ART3: variants seen among roughly 807,000 people sequenced by gnomAD.
ART3 encodes ecto-ADP-ribosyltransferase 3.
Under a neutral mutation model 48.5 loss-of-function variants are expected in ART3, and 49 were observed. The observed-to-expected ratio is 1.01, with a 90% CI of 0.80 to 1.28. The LOEUF (loss-of-function observed/expected upper bound fraction) is 1.28. ART3 is among the 50% of genes most tolerant of loss of function. The pLI is 0.00. For synonymous variants in ART3, 145 were observed against 157.2 expected, an observed-to-expected ratio of 0.92 and a Z score of 0.58; for missense variants, 438 against 454.3, an observed-to-expected ratio of 0.96 and a Z score of 0.33.
At chr4:76,019,859 T>C (rs1732622114) in intron 1 of ART3, among the ~76,000 whole-genome samples, 1 of 152,096 alleles carries the variant, frequency 6.6e-6, no homozygotes, top group Admixed American at 6.5e-5. Flanking sequence ...TGTGAGATAA[T>C]GCCAAACTGT....
At chr4:76,026,261 A>G (rs768081560) in intron 1 of ART3, among the ~76,000 whole-genome samples, 139 of 152,118 alleles carry the variant, frequency 9.1e-4, no homozygotes, top group Non-Finnish European at 1.8e-3. Flanking sequence ...AATTCTCTAC[A>G]TGGCATTTCA....
chr4:76,064,617 T>A (rs1173833910), intron 1 of ART3, among the ~76,000 whole-genome samples: 6 of 152,118 alleles, frequency 3.9e-5, no homozygotes, highest in Non-Finnish European at 7.4e-5. Context: ...GCAAATGTTA[T>A]TACATTTTGA....
At chr4:76,059,681 GACA>G (rs1422308963) in intron 1 of ART3, among the ~76,000 whole-genome samples, 1 of 152,052 alleles carries the variant, frequency 6.6e-6, no homozygotes, top group African/African-American at 2.4e-5. Flanking sequence ...AATTTGTATG[GACA>G]ACTAAATTAA....
At chr4:76,074,609 G>A (rs998048513), upstream of ART3, 1 of 152,176 alleles carries the variant, frequency 6.6e-6, no homozygotes, top group Non-Finnish European at 1.5e-5. Flanking sequence ...GCATAGTGTG[G>A]GGGGGCCAGA....
chr4:76,092,262 T>A (rs771465028), intron 3 of ART3, among the ~76,000 whole-genome samples: 4 of 152,186 alleles, frequency 2.6e-5, no homozygotes, highest in Non-Finnish European at 5.9e-5. Context: ...TTTATTTAGG[T>A]CTTAATTTCT....
At position 76,016,784 on chromosome 4, in the gene ART3, A is replaced by G. The variant is rs111791989; in HGVS notation, c.-10+5464A>G. Reference sequence around the variant, plus strand: ...TTGCGGCTAAGCTGGCACTCAATCTATGAGACAAAGTCTTTCCCATTCCTC... The same window carrying G: ...TTGCGGCTAAGCTGGCACTCAATCTGTGAGACAAAGTCTTTCCCATTCCTC... On this transcript the variant is annotated intron_variant, in intron 1 of 9. Coordinates refer to the ART3 transcript ENST00000341029. Among the ~76,000 whole-genome samples, 914 of 152,232 alleles carry G rather than the reference A, an allele frequency of 6.0e-3. 8 individuals carry two copies. The highest frequency in any genetic ancestry group is 0.021 in the African/African-American group (878 of 41,554).
intron 1 of ART3, among the ~76,000 whole-genome samples, chr4:76,057,637 A>G (rs1718817201): frequency 6.6e-6 from 1 of 152,284 alleles, no homozygotes; most frequent in Admixed American, 6.5e-5. Context: ...TATTATCACT[A>G]TTTGACATAT....
intron 8 of ART3, among the ~76,000 whole-genome samples, chr4:76,102,854 C>T (rs1389322560): frequency 2.0e-5 from 3 of 151,876 alleles, no homozygotes; most frequent in Non-Finnish European, 2.9e-5. Context: ...TTATATATTA[C>T]ATATAATGCC....
At chr4:76,059,350 T>C (rs1718970406) in intron 1 of ART3, among the ~76,000 whole-genome samples, 1 of 141,756 alleles carries the variant, frequency 7.1e-6, no homozygotes, top group Non-Finnish European at 1.5e-5. Flanking sequence ...TGTCTTCTCG[T>C]TATTTTCTCT....
chr4:76,012,963 C>T (rs942735072), intron 1 of ART3, among the ~76,000 whole-genome samples: 1 of 152,186 alleles, frequency 6.6e-6, no homozygotes, highest in Non-Finnish European at 1.5e-5. Flanking sequence ...ATTTCATCCA[C>T]CAAACTTTTA....
chr4:76,030,180 C>T (rs1733748759), intron 1 of ART3, among the ~76,000 whole-genome samples: 1 of 152,186 alleles, frequency 6.6e-6, no homozygotes, highest in African/African-American at 2.4e-5. Context: ...CCTCAGCCTC[C>T]TGAGTAGCTG....
chr4:76,018,939 G>C (rs2149363189), intron 1 of ART3, among the ~76,000 whole-genome samples: 1 of 152,062 alleles, frequency 6.6e-6, no homozygotes, highest in Admixed American at 6.5e-5. Context: ...TACATGGGAG[G>C]CAGAGGTGGG....
chr4:76,078,019 C>G (rs115371042), intron 2 of ART3, among the ~76,000 whole-genome samples: 2,267 of 150,478 alleles, frequency 0.015, 57 homozygotes, highest in African/African-American at 0.053. Context: ...TCTCCTTGAC[C>G]TTTAGGTCAT....
At chr4:76,105,294 A>T (rs1479976690) in intron 10 of ART3, among the ~76,000 whole-genome samples, 1 of 152,188 alleles carries the variant, frequency 6.6e-6, no homozygotes, top group Non-Finnish European at 1.5e-5. Flanking sequence ...GTGTAGACAG[A>T]TAGACCTGGC....
chr4:76,094,783 C>T (rs377032439), intron 3 of ART3, among the ~76,000 whole-genome samples: 6 of 152,256 alleles, frequency 3.9e-5, no homozygotes, highest in African/African-American at 1.4e-4. Context: ...TGAGGGAAAC[C>T]CTTTGCAGAT....
intron 2 of ART3, among the ~76,000 whole-genome samples, chr4:76,080,784 C>G (rs902593883): frequency 2.0e-5 from 3 of 152,140 alleles, no homozygotes; most frequent in African/African-American, 7.2e-5. Context: ...GCTGGGATTA[C>G]AGACATGAGC....
rs1347535059 is a variant in ART3 at position 76,081,893 on chromosome 4, A to G, written c.139A>G (p.Met47Val). The change falls in exon 3 of 12, where the codon ATG becomes GTG. Residue 47 changes from methionine to valine, a missense_variant. By Grantham distance (21) the Met-to-Val change is conservative. Coordinates refer to ENST00000355810, the MANE Select transcript of ART3 (RefSeq NM_001130016.3). ...DDEYLKCTDR[M>V]EIKYVPQLLK... Reference sequence around the variant, plus strand: ...TGAATACCTGAAATGTACGGACAGGATGGAAATTAAATACGTTCCCCAACT... The same window carrying G: ...TGAATACCTGAAATGTACGGACAGGGTGGAAATTAAATACGTTCCCCAACT... 4 of 1,614,242 alleles carry G rather than the reference A, an allele frequency of 2.5e-6. No individual in the cohort carries two copies. The highest frequency in any genetic ancestry group is 3.4e-6 in the Non-Finnish European group (4 of 1,180,048).
At chr4:76,065,552 A>ACACACACACAC (rs1719648260) in intron 1 of ART3, among the ~76,000 whole-genome samples, 1 of 145,292 alleles carries the variant, frequency 6.9e-6, no homozygotes, top group African/African-American at 2.6e-5. Context: ...ATAACCCTCC[A>ACACACACACAC]ACACACACAC....
intron 3 of ART3, among the ~76,000 whole-genome samples, chr4:76,092,890 G>A (rs1422039521): frequency 2.6e-5 from 4 of 152,064 alleles, no homozygotes; most frequent in Non-Finnish European, 4.4e-5. Context: ...CTTCATTGCT[G>A]CCATAACAAA....
Sources: gnomAD v4.1 joint callset for allele counts (sites outside exome capture counted in the v4.1 genomes callset) on GRCh38, gnomAD v4.1.1 for gene constraint, MANE v1.5 for transcripts, NCBI Gene and HGNC (gene_info 2026-07-23, HGNC 2026-07-21) for gene names.